The following KLC1 variants were observed in gnomAD, a reference collection of about 807,000 sequenced individuals.
KLC1 encodes the protein kinesin 2 60/70kDa.
In KLC1, 30 loss-of-function variants were observed where a neutral mutation model predicts 84.2. The observed-to-expected ratio is 0.36, with a 90% CI of 0.27 to 0.48. The LOEUF is 0.48. KLC1 is among the 20% of genes least tolerant of loss of function. The pLI is 0.99. For missense variants in KLC1, 499 were observed against 805.4 expected, an observed-to-expected ratio of 0.62 and a Z score of 4.60; for synonymous variants, 289 against 293.3, an observed-to-expected ratio of 0.99 and a Z score of 0.15.
intron 3 of KLC1, among the ~76,000 whole-genome samples, chr14:103,659,774 A>G (rs2079130538): frequency 6.6e-6 from 1 of 152,142 alleles, no homozygotes. Flanking sequence ...TGCTTGGGCT[A>G]CTGTAACAAA....
chr14:103,637,529 CAAAA>C (rs200514199), intron 1 of KLC1, among the ~76,000 whole-genome samples: 2 of 130,536 alleles, frequency 1.5e-5, no homozygotes, highest in South Asian at 4.9e-4. Flanking sequence ...GACTCTGTTT[CAAAA>C]AAAAAAAAGA....
At chr14:103,642,036 T>C (rs544006795) in intron 1 of KLC1, among the ~76,000 whole-genome samples, 1 of 152,266 alleles carries the variant, frequency 6.6e-6, no homozygotes, top group Non-Finnish European at 1.5e-5. Context: ...GTTCAAGCTA[T>C]TCTCCTGCCT....
chr14:103,680,713 C>G lies in KLC1; in HGVS notation c.1650+1168C>G, dbSNP rs551698378. The stretch of plus-strand genomic sequence containing the variant: ...AATCCTGGCCCGCAGGCCTCCCTGT[C>G]GCCCGCATCCTGTCAGAACTGTGTA... On this transcript the variant is annotated intron_variant, in intron 13 of 16. Transcript: ENST00000334553. 2.6e-5 allele frequency among the ~76,000 whole-genome samples: 4 copies of G among 152,294 alleles called. No homozygotes were observed. The South Asian group carries it at 8.3e-4, about 32-fold the overall frequency.
intron 7 of KLC1, among the ~76,000 whole-genome samples, chr14:103,672,622 A>T (rs949734859): frequency 6.6e-6 from 1 of 152,152 alleles, no homozygotes; most frequent in Non-Finnish European, 1.5e-5. Context: ...ATCCTGGGCA[A>T]CTGGGACAGC....
intron 1 of KLC1, among the ~76,000 whole-genome samples, chr14:103,653,384 A>G (rs2078610450): frequency 6.6e-6 from 1 of 152,100 alleles, no homozygotes; most frequent in Non-Finnish European, 1.5e-5. Context: ...TGCAGTAGTG[A>G]GATCTTGGCT....
chr14:103,647,154 C>G (rs1019898749), intron 1 of KLC1, among the ~76,000 whole-genome samples: 1 of 152,054 alleles, frequency 6.6e-6, no homozygotes, highest in African/African-American at 2.4e-5. Flanking sequence ...CTTGTCTATC[C>G]GAACTGTTAA....
In KLC1 at chr14:103,662,895, C is replaced by T; in HGVS notation, c.765C>T (p.Ala255=). Reference sequence around the variant, plus strand: ...CAGGACACGACCACCCGGACGTGGCCACCATGCTCAACATCCTGGCCTTGG... The same window carrying T: ...CAGGACACGACCACCCGGACGTGGCTACCATGCTCAACATCCTGGCCTTGG... ...KTSGHDHPDV[A]TMLNILALVY... The change falls in exon 5 of 17, where the codon GCC becomes GCT. Residue 255 remains alanine, a synonymous_variant. Coordinates refer to ENST00000334553, the MANE Select transcript of KLC1 (RefSeq NM_001394837.1). 6.2e-7 allele frequency: 1 copy of T among 1,613,178 alleles called. No individual in the cohort carries two copies. Among genetic ancestry groups the T allele is most frequent in the Non-Finnish European group, 8.5e-7 (1 of 1,179,746 alleles).
At chr14:103,631,006 G>T (rs780917866) in intron 1 of KLC1, among the ~76,000 whole-genome samples, 2 of 152,168 alleles carry the variant, frequency 1.3e-5, no homozygotes. Flanking sequence ...AGCAAGGGGG[G>T]AGGGAATGAC....
intron 1 of KLC1, among the ~76,000 whole-genome samples, chr14:103,633,248 G>A (rs145937915): frequency 0.015 from 2,334 of 151,980 alleles, 57 homozygotes; most frequent in African/African-American, 0.053. Context: ...TAGTAGAGTC[G>A]GGGTTTCACC....
chr14:103,631,158 G>A (rs1181938839), intron 1 of KLC1, among the ~76,000 whole-genome samples: 1 of 151,362 alleles, frequency 6.6e-6, no homozygotes, highest in African/African-American at 2.4e-5. Context: ...TCGGCTCACT[G>A]CAAGCTCCGC....
intron 1 of KLC1, among the ~76,000 whole-genome samples, chr14:103,631,202 T>C (rs895094195): frequency 2.0e-5 from 3 of 151,800 alleles, no homozygotes; most frequent in African/African-American, 7.3e-5. Flanking sequence ...TGCCTCAACC[T>C]ACTGAGTAGC....
intron 5 of KLC1, among the ~76,000 whole-genome samples, chr14:103,667,872 C>G (rs2080011569): frequency 6.6e-6 from 1 of 152,134 alleles, no homozygotes; most frequent in Non-Finnish European, 1.5e-5. Flanking sequence ...GTCTCAAAAG[C>G]AAGTACTTGT....
intron 7 of KLC1, among the ~76,000 whole-genome samples, chr14:103,671,297 G>A (rs1288120114): frequency 6.6e-6 from 1 of 152,090 alleles, no homozygotes; most frequent in Non-Finnish European, 1.5e-5. Flanking sequence ...CATTTCAGCA[G>A]TGCTGTGTAT....
chr14:103,697,448 G>A lies in KLC1; in HGVS notation c.1849-3207G>A, dbSNP rs1158808784. On this transcript the variant is annotated intron_variant, in intron 15 of 16. Coordinates refer to ENST00000334553, the MANE Select transcript of KLC1 (RefSeq NM_001394837.1). The stretch of plus-strand genomic sequence containing the variant: ...GTGGGGGGTGACAATTTCTGCCTCT[G>A]GGTTGTGGGAGGAGTCAAGCTACTT... Among the ~76,000 whole-genome samples, 3 of 152,286 alleles carry A rather than the reference G, an allele frequency of 2.0e-5. No individual in the cohort carries two copies. The South Asian group carries it at 6.2e-4, about 32-fold the overall frequency.
intron 1 of KLC1, among the ~76,000 whole-genome samples, chr14:103,630,792 G>T (rs2076613106): frequency 6.6e-6 from 1 of 152,212 alleles, no homozygotes; most frequent in African/African-American, 2.4e-5. Context: ...AATTCTGTGT[G>T]GGAGGGTAGG....
chr14:103,656,340 A>G (rs1407960284), intron 2 of KLC1, among the ~76,000 whole-genome samples: 1 of 152,222 alleles, frequency 6.6e-6, no homozygotes, highest in Non-Finnish European at 1.5e-5. Flanking sequence ...AGATTGCTTC[A>G]TATCTTTGAC....
At chr14:103,643,255 A>G (rs1430843544) in intron 1 of KLC1, among the ~76,000 whole-genome samples, 2 of 152,212 alleles carry the variant, frequency 1.3e-5, no homozygotes, top group African/African-American at 4.8e-5. Context: ...AGGGTCCTCT[A>G]TAACTTTCCC....
At chr14:103,660,047 A>G (rs183531959) in intron 3 of KLC1, among the ~76,000 whole-genome samples, 1 of 152,266 alleles carries the variant, frequency 6.6e-6, no homozygotes, top group East Asian at 1.9e-4. Flanking sequence ...TCATCTCTAA[A>G]TACCATTACA....
intron 1 of KLC1, among the ~76,000 whole-genome samples, chr14:103,653,046 C>CT (rs1463145080): frequency 6.6e-6 from 1 of 152,202 alleles, no homozygotes; most frequent in Non-Finnish European, 1.5e-5. Flanking sequence ...CATGCAGCGT[C>CT]TGTCAGTCCA....
Sources: allele counts gnomAD v4.1 joint callset (sites outside exome capture counted in the v4.1 genomes callset), GRCh38; gene constraint gnomAD v4.1.1; transcripts MANE v1.5; gene names NCBI Gene and HGNC (gene_info 2026-07-23, HGNC 2026-07-21).